The following STXBP4 variants were observed in gnomAD, a reference collection of about 807,000 sequenced individuals.
The protein encoded by STXBP4 is syntaxin-binding protein 4.
Under a neutral mutation model 76.1 loss-of-function variants are expected in STXBP4, and 55 were observed. The ratio of observed to expected loss-of-function variants is 0.72; its 90% CI spans 0.58 to 0.91. STXBP4 has a LOEUF of 0.91. Ranked by LOEUF, STXBP4 falls within the 40% of genes least tolerant of loss-of-function variation. STXBP4 has a pLI of 0.00. For missense variants in STXBP4, 618 were observed against 636.9 expected (o/e 0.97, Z 0.32); for synonymous variants, 201 against 220.2 (o/e 0.91, Z 0.77).
chr17:55,027,226 G>A (rs1184899199), intron 8 of STXBP4, among the ~76,000 whole-genome samples: 1 of 152,194 alleles, frequency 6.6e-6, no homozygotes, highest in Non-Finnish European at 1.5e-5. Context: ...TGGAGTCAGA[G>A]CACGGACTTG....
At chr17:55,044,333 A>G (rs1470027447) in intron 11 of STXBP4, 2 of 151,774 alleles carry the variant, frequency 1.3e-5, no homozygotes, top group African/African-American at 2.4e-5. Flanking sequence ...TAAATAAGGT[A>G]TAGTATATTG....
the STXBP4 span, among the ~76,000 whole-genome samples, chr17:55,201,786 G>A: frequency 6.6e-6 from 1 of 152,180 alleles, no homozygotes; most frequent in Non-Finnish European, 1.5e-5. Flanking sequence ...TTAAATGTTT[G>A]AGCAGAGAAC....
chr17:55,086,123 C>T (rs528262518), intron 16 of STXBP4, among the ~76,000 whole-genome samples: 6 of 151,988 alleles, frequency 3.9e-5, no homozygotes, highest in Admixed American at 1.3e-4. Flanking sequence ...AGAATATATT[C>T]GAAATTCTGC....
intron 17 of STXBP4, among the ~76,000 whole-genome samples, chr17:55,156,359 T>G (rs1004469052): frequency 1.3e-5 from 2 of 152,198 alleles, no homozygotes; most frequent in African/African-American, 2.4e-5. Context: ...TCTGGGATTA[T>G]CTCATCATAC....
chr17:55,095,561 A>C (rs1433033302), intron 16 of STXBP4, among the ~76,000 whole-genome samples: 1 of 152,242 alleles, frequency 6.6e-6, no homozygotes, highest in Non-Finnish European at 1.5e-5. Flanking sequence ...ATGATAAAAT[A>C]GTTCAATTCA....
At chr17:55,137,985 T>A (rs148356228) in intron 16 of STXBP4, among the ~76,000 whole-genome samples, 209 of 152,264 alleles carry the variant, frequency 1.4e-3, no homozygotes, top group Non-Finnish European at 2.7e-3. Flanking sequence ...AGTTAAACAT[T>A]TTCACATGTG....
the STXBP4 span, among the ~76,000 whole-genome samples, chr17:55,210,002 G>A: frequency 7.2e-5 from 11 of 152,178 alleles, no homozygotes; most frequent in African/African-American, 2.4e-4. Flanking sequence ...ATGTTCATGC[G>A]TGTGCACACA....
chr17:55,190,025 A>G, the STXBP4 span, among the ~76,000 whole-genome samples: 4 of 152,330 alleles, frequency 2.6e-5, no homozygotes, highest in Middle Eastern at 3.4e-3. Flanking sequence ...AAAAGAATTG[A>G]TAGGGAAACT....
At chr17:54,993,601 A>T (rs2077752769) in intron 4 of STXBP4, among the ~76,000 whole-genome samples, 1 of 152,252 alleles carries the variant, frequency 6.6e-6, no homozygotes, top group Non-Finnish European at 1.5e-5. Context: ...TTTATTTTAC[A>T]ACAATGTATT....
downstream of STXBP4, among the ~76,000 whole-genome samples, chr17:55,176,606 C>T (rs908365358): frequency 6.6e-6 from 1 of 152,078 alleles, no homozygotes; most frequent in Non-Finnish European, 1.5e-5. Flanking sequence ...ATCTTAAGTA[C>T]GGTGTGATCA....
chr17:54,990,159 T>C (rs1042177866), intron 3 of STXBP4, among the ~76,000 whole-genome samples: 4 of 152,212 alleles, frequency 2.6e-5, no homozygotes, highest in Admixed American at 6.5e-5. Context: ...CTCATTTAAT[T>C]GTTGTTATGT....
chr17:55,068,675 A>G (rs893797699), intron 12 of STXBP4, among the ~76,000 whole-genome samples: 6 of 152,162 alleles, frequency 3.9e-5, no homozygotes, highest in Non-Finnish European at 7.4e-5. Context: ...AAGAAAGAGG[A>G]AAAGGAAAAA....
chr17:55,187,172 A>G, the STXBP4 span, among the ~76,000 whole-genome samples: 2 of 152,208 alleles, frequency 1.3e-5, no homozygotes, highest in African/African-American at 4.8e-5. Flanking sequence ...CTTTCCCTCC[A>G]ACTGGTTTTG....
intron 10 of STXBP4, among the ~76,000 whole-genome samples, chr17:55,036,371 T>G (rs929155903): frequency 2.0e-5 from 3 of 150,284 alleles, no homozygotes; most frequent in African/African-American, 7.3e-5. Flanking sequence ...ATCTTATATA[T>G]TTTTAATTAA....
intron 16 of STXBP4, among the ~76,000 whole-genome samples, chr17:55,109,285 G>A (rs541681418): frequency 1.3e-5 from 2 of 152,058 alleles, no homozygotes; most frequent in Admixed American, 1.3e-4. Flanking sequence ...GACTATTCAG[G>A]TTATTTGACT....
At chr17:55,184,523 G>A in the STXBP4 span, among the ~76,000 whole-genome samples, 4 of 152,166 alleles carry the variant, frequency 2.6e-5, no homozygotes, top group South Asian at 2.1e-4. Context: ...TATTCCTTTC[G>A]TGTGCTTTTA....
chr17:55,104,427 T>G (rs1162506021), intron 16 of STXBP4, among the ~76,000 whole-genome samples: 4 of 152,208 alleles, frequency 2.6e-5, no homozygotes, highest in African/African-American at 9.7e-5. Context: ...ATGGATTACA[T>G]TTATTGATTT....
At position 55,140,539 on chromosome 17, in the gene STXBP4, C is replaced by T. The variant is rs116701336; in HGVS notation, c.1490-771C>T. Reference sequence around the variant, plus strand: ...GGTGGAAACCACTGTGTTCTAGAAACGTAACACCCAAAATCAGAATGTAGG... The same window carrying T: ...GGTGGAAACCACTGTGTTCTAGAAATGTAACACCCAAAATCAGAATGTAGG... On this transcript the variant is annotated intron_variant, in intron 16 of 17. Coordinates refer to ENST00000376352, the MANE Select transcript of STXBP4 (RefSeq NM_178509.6). Among the ~76,000 whole-genome samples, 1,076 of 152,150 alleles carry T rather than the reference C, an allele frequency of 7.1e-3. 15 individuals carry two copies. Among genetic ancestry groups the T allele is most frequent in the African/African-American group, 0.024 (1,015 of 41,518 alleles).
chr17:55,036,605 T>G (rs1290818314), intron 10 of STXBP4, among the ~76,000 whole-genome samples: 1 of 151,906 alleles, frequency 6.6e-6, no homozygotes, highest in African/African-American at 2.4e-5. Context: ...GCTAATAGTC[T>G]TATTAACTTA....
Sources: gnomAD v4.1 joint callset for allele counts (sites outside exome capture counted in the v4.1 genomes callset) on GRCh38, gnomAD v4.1.1 for gene constraint, MANE v1.5 for transcripts, NCBI Gene and HGNC (gene_info 2026-07-23, HGNC 2026-07-21) for gene names.